Variants in CALCR observed in about 807,000 individuals in gnomAD.
The protein encoded by CALCR is calcitonin receptor.
CALCR carries 47 observed loss-of-function variants against 59.5 expected under a neutral mutation model. The ratio of observed to expected loss-of-function variants is 0.79; its 90% CI spans 0.63 to 1.01. CALCR has a LOEUF of 1.01. CALCR is among the 50% of genes least tolerant of loss of function. The pLI is 0.00. For missense variants in CALCR, 566 were observed against 597.1 expected (o/e 0.95, Z 0.54); for synonymous variants, 213 against 211.3 (o/e 1.01, Z -0.07).
chr7:93,496,057 T>A (rs999069190), intron 2 of CALCR: 4 of 700,506 alleles, frequency 5.7e-6, no homozygotes, highest in Non-Finnish European at 9.1e-6. Flanking sequence ...CAAATTTACT[T>A]GAAAAGCAAA....
intron 2 of CALCR, among the ~76,000 whole-genome samples, chr7:93,523,664 C>T (rs2116099745): frequency 6.6e-6 from 1 of 152,264 alleles, no homozygotes; most frequent in South Asian, 2.1e-4. Flanking sequence ...AATAAAGTAG[C>T]ACTTCAAAAG....
In CALCR at chr7:93,574,493, G is replaced by C. The variant is rs1161602094; in HGVS notation, c.-231C>G. On this transcript the variant is annotated 5_prime_UTR_variant, in exon 2 of 14. Transcript: ENST00000426151. ...CGCGGCGCAGCCCACCCAGACGCTG[G>C]TGGGCTGGCTTTCCTAGTTTGATGC... is the stretch of plus-strand genomic sequence containing the variant. 6.6e-6 allele frequency: 1 copy of C among 152,176 alleles called. No individual in the cohort carries two copies. The highest frequency in any genetic ancestry group is 1.5e-5 in the Non-Finnish European group (1 of 68,060). 9.4% of individuals were successfully genotyped at this position (152,176 alleles called of 1,614,324 possible). A position where few individuals can be genotyped will look rare whatever the true frequency, so the allele number is the denominator to read the frequency against.
chr7:93,551,588 A>C (rs1167422936), intron 2 of CALCR, among the ~76,000 whole-genome samples: 1 of 152,192 alleles, frequency 6.6e-6, no homozygotes, highest in East Asian at 1.9e-4. Context: ...CAGGAAAAGT[A>C]AAGAGGAATT....
At chr7:93,489,582 G>T (rs1210637006) in intron 2 of CALCR, among the ~76,000 whole-genome samples, 2 of 151,350 alleles carry the variant, frequency 1.3e-5, no homozygotes, top group Non-Finnish European at 3.0e-5. Context: ...GAAAAAGGGG[G>T]TATCATCACT....
At chr7:93,567,552 G>A (rs1563023632) in intron 2 of CALCR, among the ~76,000 whole-genome samples, 1 of 149,214 alleles carries the variant, frequency 6.7e-6, no homozygotes, top group Admixed American at 6.7e-5. Context: ...TTTATAAAAA[G>A]TTTTTTTTTT....
intron 2 of CALCR, among the ~76,000 whole-genome samples, chr7:93,543,957 A>G (rs1226534757): frequency 2.0e-5 from 3 of 151,936 alleles, no homozygotes; most frequent in Non-Finnish European, 4.4e-5. Flanking sequence ...TCTGCCTTTT[A>G]TATTTCAGTA....
intron 4 of CALCR, 110 bp downstream of exon 4, chr7:93,479,244 T>C: frequency 8.8e-7 from 1 of 1,131,600 alleles, no homozygotes; most frequent in Non-Finnish European, 1.3e-6. Flanking sequence ...AAAACTGCTG[T>C]GAAAACTGCT....
chr7:93,434,144 T>C (rs538298818), intron 13 of CALCR, 109 bp downstream of exon 13: 4 of 792,150 alleles, frequency 5.0e-6, no homozygotes, highest in Non-Finnish European at 9.0e-6. Flanking sequence ...CAAAACCCTA[T>C]GAGGTCAACT....
chr7:93,500,879 A>G (rs751454469), intron 2 of CALCR, among the ~76,000 whole-genome samples: 1 of 152,042 alleles, frequency 6.6e-6, no homozygotes, highest in South Asian at 2.1e-4. Flanking sequence ...GCATATATTT[A>G]CTAATAAAGA....
intron 2 of CALCR, among the ~76,000 whole-genome samples, chr7:93,568,519 CTCTCTCT>C (rs1789921149): frequency 1.8e-5 from 1 of 55,408 alleles, no homozygotes; most frequent in Non-Finnish European, 4.8e-5. Flanking sequence ...TTCTCTCTCT[CTCTCTCT>C]CTCTCTCTCT....
intron 2 of CALCR, among the ~76,000 whole-genome samples, chr7:93,534,798 T>C (rs1788944166): frequency 6.6e-6 from 1 of 151,748 alleles, no homozygotes; most frequent in Admixed American, 6.6e-5. Context: ...TTACAAGAAA[T>C]ATTTATTCTA....
At chr7:93,474,853 A>T (rs151230782) in intron 5 of CALCR, among the ~76,000 whole-genome samples, 2 of 151,792 alleles carry the variant, frequency 1.3e-5, no homozygotes, top group African/African-American at 4.8e-5. Flanking sequence ...GTACGTATAG[A>T]TAATGCTTTT....
chr7:93,447,508 G>T (rs1354902052), intron 8 of CALCR, among the ~76,000 whole-genome samples: 2 of 152,042 alleles, frequency 1.3e-5, no homozygotes, highest in Middle Eastern at 3.4e-3. Flanking sequence ...GTGTTTTTCT[G>T]TTGTGGTGGG....
intron 2 of CALCR, among the ~76,000 whole-genome samples, chr7:93,521,247 G>A (rs1188710021): frequency 2.0e-5 from 3 of 152,018 alleles, no homozygotes; most frequent in African/African-American, 4.8e-5. Context: ...TGGGTGGACC[G>A]TACCTCTGTT....
At chr7:93,488,207 C>T (rs2115937600) in intron 2 of CALCR, among the ~76,000 whole-genome samples, 1 of 151,776 alleles carries the variant, frequency 6.6e-6, no homozygotes, top group Non-Finnish European at 1.5e-5. Context: ...CAAGCAAATG[C>T]TGAGAGATTT....
chr7:93,435,446 G>A (rs1799751340), intron 12 of CALCR, among the ~76,000 whole-genome samples: 1 of 152,076 alleles, frequency 6.6e-6, no homozygotes, highest in Non-Finnish European at 1.5e-5. Context: ...GCAACAAAGA[G>A]CCTCAAAAAA....
intron 2 of CALCR, among the ~76,000 whole-genome samples, chr7:93,487,596 C>G (rs945353777): frequency 2.6e-5 from 4 of 151,472 alleles, no homozygotes; most frequent in Admixed American, 1.3e-4. Flanking sequence ...TACTGAAGAG[C>G]ATAATCATCC....
chr7:93,571,936 G>A (rs1366182702), intron 2 of CALCR, among the ~76,000 whole-genome samples: 2 of 152,090 alleles, frequency 1.3e-5, no homozygotes, highest in African/African-American at 2.4e-5. Flanking sequence ...TTTCAAAAGG[G>A]TACGTATTTG....
chr7:93,546,731 T>A, intron 2 of CALCR, among the ~76,000 whole-genome samples: 1 of 151,902 alleles, frequency 6.6e-6, no homozygotes, highest in Non-Finnish European at 1.5e-5. Context: ...TTTTGTATTT[T>A]TTTTTTTTTG....
Sources: allele counts gnomAD v4.1 joint callset (sites outside exome capture counted in the v4.1 genomes callset), GRCh38; gene constraint gnomAD v4.1.1; transcripts MANE v1.5; gene names NCBI Gene and HGNC (gene_info 2026-07-23, HGNC 2026-07-21).